CHODL: variants seen among roughly 807,000 people sequenced by gnomAD.
CHODL encodes the protein transmembrane protein MT75.
CHODL carries 29 observed loss-of-function variants against 34.5 expected under a neutral mutation model. That is an observed-to-expected ratio of 0.84 (90% CI 0.63 to 1.15). The LOEUF (loss-of-function observed/expected upper bound fraction) is 1.15. Among genes scored for constraint, CHODL ranks in the 50% most tolerant of loss-of-function variants. CHODL has a pLI of 0.00. For missense variants in CHODL, 332 were observed against 332.5 expected, an observed-to-expected ratio of 1.00 and a Z score of 0.01; for synonymous variants, 125 against 116.1, an observed-to-expected ratio of 1.08 and a Z score of -0.49.
intron 2 of CHODL, among the ~76,000 whole-genome samples, chr21:18,150,159 C>G (rs1000201776): frequency 1.3e-5 from 2 of 152,052 alleles, no homozygotes; most frequent in Admixed American, 1.3e-4. Flanking sequence ...ATCTAATGAC[C>G]TGGGATCAAT....
chr21:18,124,815 G>T (rs2824641), intron 2 of CHODL, among the ~76,000 whole-genome samples: 39,813 of 152,118 alleles, frequency 0.26, 6,474 homozygotes, highest in East Asian at 0.75. Context: ...TACTATATCC[G>T]GTGATTTCCA....
chr21:18,043,962 GA>G (rs2064409048), intron 2 of CHODL, among the ~76,000 whole-genome samples: 1 of 151,756 alleles, frequency 6.6e-6, no homozygotes, highest in Admixed American at 6.6e-5. Context: ...ACAGTATGTG[GA>G]AACCATCTCC....
At chr21:18,229,887 G>A (rs1364875570) in intron 2 of CHODL, among the ~76,000 whole-genome samples, 30 of 152,046 alleles carry the variant, frequency 2.0e-4, no homozygotes, top group East Asian at 1.9e-4. Context: ...GATAATCTTC[G>A]CAAAGAAGAA....
At chr21:18,142,392 T>C (rs2072814337) in intron 2 of CHODL, among the ~76,000 whole-genome samples, 1 of 152,208 alleles carries the variant, frequency 6.6e-6, no homozygotes, top group African/African-American at 2.4e-5. Context: ...TTATTGGCTA[T>C]GAATATTAAA....
chr21:18,203,936 GAA>G (rs1353492280), intron 2 of CHODL, among the ~76,000 whole-genome samples: 1 of 151,992 alleles, frequency 6.6e-6, no homozygotes, highest in Admixed American at 6.6e-5. Flanking sequence ...TTCCCTCAAG[GAA>G]AAATGCCACC....
chr21:17,920,227 T>C (rs1198375260), intron 1 of CHODL, among the ~76,000 whole-genome samples: 1 of 152,198 alleles, frequency 6.6e-6, no homozygotes, highest in East Asian at 1.9e-4. Context: ...CAATTTACTG[T>C]ATTATTCAGT....
At chr21:17,967,405 G>T (rs545752687) in intron 1 of CHODL, among the ~76,000 whole-genome samples, 2 of 152,080 alleles carry the variant, frequency 1.3e-5, no homozygotes, top group South Asian at 4.2e-4. Flanking sequence ...TTTCTTTCTG[G>T]CATCCCTATG....
upstream of CHODL, among the ~76,000 whole-genome samples, chr21:18,244,484 C>T (rs2146777256): frequency 6.6e-6 from 1 of 152,292 alleles, no homozygotes; most frequent in East Asian, 1.9e-4. Context: ...TATGATTAAG[C>T]AATTTAGCAC....
At chr21:17,924,088 A>T (rs1417509055) in intron 1 of CHODL, among the ~76,000 whole-genome samples, 1 of 152,192 alleles carries the variant, frequency 6.6e-6, no homozygotes, top group Non-Finnish European at 1.5e-5. Context: ...AGGAAGCTAA[A>T]GGTGAGAGGC....
chr21:18,047,673 C>A (rs1015350227), intron 2 of CHODL, among the ~76,000 whole-genome samples: 1 of 151,834 alleles, frequency 6.6e-6, no homozygotes, highest in African/African-American at 2.4e-5. Context: ...ATACAGTGGT[C>A]CTTCTGATCT....
At chr21:18,251,717 T>G (rs1252463104) in intron 1 of CHODL, among the ~76,000 whole-genome samples, 1 of 142,404 alleles carries the variant, frequency 7.0e-6, no homozygotes, top group Non-Finnish European at 1.5e-5. Context: ...TTTTAATATA[T>G]AAAATAAATA....
chr21:18,096,165 C>T (rs1017734756), intron 2 of CHODL, among the ~76,000 whole-genome samples: 1 of 152,184 alleles, frequency 6.6e-6, no homozygotes, highest in Non-Finnish European at 1.5e-5. Context: ...CCAATCAATA[C>T]TCTTGTAATT....
intron 2 of CHODL, among the ~76,000 whole-genome samples, chr21:18,208,952 C>T: frequency 6.6e-6 from 1 of 150,482 alleles, no homozygotes; most frequent in East Asian, 2.0e-4. Flanking sequence ...ACCACCGGAA[C>T]TGTGCTGGAT....
At chr21:18,227,470 G>A (rs1365082331) in intron 2 of CHODL, among the ~76,000 whole-genome samples, 1 of 152,064 alleles carries the variant, frequency 6.6e-6, no homozygotes, top group Non-Finnish European at 1.5e-5. Flanking sequence ...TGTGTAGTGG[G>A]TATTTAATTT....
chr21:18,201,956 C>T (rs991744460), intron 2 of CHODL, among the ~76,000 whole-genome samples: 1 of 151,912 alleles, frequency 6.6e-6, no homozygotes, highest in Admixed American at 6.6e-5. Flanking sequence ...AGGCGACCGC[C>T]ACCACACTCG....
rs73890847 is a variant in CHODL at position 17,968,555 on chromosome 21, T to C, written c.-145+51155T>C. 5.0e-3 allele frequency among the ~76,000 whole-genome samples: 755 copies of C among 152,348 alleles called. 8 individuals are homozygous for C. Among genetic ancestry groups the C allele is most frequent in the African/African-American group, 0.018 (733 of 41,572 alleles). ...AGATTCTGCCCTAATGGTTTCTTTT[T>C]TTTCAGAAACAATTTTACTTTTCTT... On this transcript the variant is annotated intron_variant, in intron 1 of 6. Transcript: ENST00000400127.
In CHODL at chr21:18,138,154, C is replaced by CT. The variant is rs57677614; in HGVS notation, c.-45+110195dup. Among the ~76,000 whole-genome samples, 1,283 of 145,046 alleles carry CT rather than the reference C, an allele frequency of 8.8e-3. 7 individuals carry two copies. The highest frequency in any genetic ancestry group is 9.0e-3 in the Non-Finnish European group (589 of 65,410). The stretch of plus-strand genomic sequence containing the variant: ...TCCAACAACTTATATCCTGACTTAT[C>CT]TTTTTTTTTTTTATGTATAGTAGGT... On this transcript the variant is annotated intron_variant, in intron 2 of 6. Coordinates refer to the CHODL transcript ENST00000400127.
At chr21:18,249,110 T>C (rs2074203374) in intron 1 of CHODL, among the ~76,000 whole-genome samples, 1 of 128,664 alleles carries the variant, frequency 7.8e-6, no homozygotes, top group South Asian at 2.2e-4. Context: ...TATAATAATA[T>C]ATATATAATA....
chr21:18,258,790 A>C (rs921920225), intron 3 of CHODL, among the ~76,000 whole-genome samples: 2 of 151,746 alleles, frequency 1.3e-5, no homozygotes, highest in African/African-American at 4.8e-5. Flanking sequence ...CTTTTTATTT[A>C]TATTTAGTTA....
Sources: allele counts gnomAD v4.1 joint callset (sites outside exome capture counted in the v4.1 genomes callset), GRCh38; gene constraint gnomAD v4.1.1; transcripts MANE v1.5; gene names NCBI Gene and HGNC (gene_info 2026-07-23, HGNC 2026-07-21).